Variants in C8orf89 observed in about 807,000 individuals in gnomAD.
C8orf89 encodes putative uncharacterized protein C8orf89.
Under a neutral mutation model 15.8 loss-of-function variants are expected in C8orf89, and 14 were observed. That is an observed-to-expected ratio of 0.89 (90% CI 0.59 to 1.39). C8orf89 has a LOEUF of 1.39. C8orf89 is among the 40% of genes most tolerant of loss of function. The probability of loss-of-function intolerance (pLI) is 0.00; values close to 1 mark genes in which losing one functional copy is unlikely to be tolerated. For missense variants in C8orf89, 181 were observed against 184.5 expected, an observed-to-expected ratio of 0.98 and a Z score of 0.11; for synonymous variants, 55 against 62.2, an observed-to-expected ratio of 0.88 and a Z score of 0.54.
At chr8:73,260,441 C>G (rs904782885), upstream of C8orf89, among the ~76,000 whole-genome samples, 4 of 151,842 alleles carry the variant, frequency 2.6e-5, no homozygotes, top group Admixed American at 6.6e-5. Flanking sequence ...ATGTAAATGA[C>G]AAGTTAATGG....
upstream of C8orf89, among the ~76,000 whole-genome samples, chr8:73,260,485 T>C (rs1381880221): frequency 1.3e-5 from 2 of 152,044 alleles, no homozygotes; most frequent in African/African-American, 4.8e-5. Flanking sequence ...TGTATACATA[T>C]GTAACAAACC....
At chr8:73,269,043 C>T in the C8orf89 span, among the ~76,000 whole-genome samples, 1 of 152,052 alleles carries the variant, frequency 6.6e-6, no homozygotes, top group African/African-American at 2.4e-5. Flanking sequence ...CACCAAGCTG[C>T]AAAACAAGGT....
the C8orf89 span, among the ~76,000 whole-genome samples, chr8:73,269,685 A>G: frequency 1.3e-5 from 2 of 152,212 alleles, no homozygotes; most frequent in African/African-American, 4.8e-5. Context: ...CTGTGCACTA[A>G]GATACTACTG....
At chr8:73,274,762 T>C in the C8orf89 span, among the ~76,000 whole-genome samples, 4 of 152,332 alleles carry the variant, frequency 2.6e-5, no homozygotes, top group African/African-American at 9.6e-5. Flanking sequence ...ACTGAGTTGT[T>C]TGATATCTTA....
chr8:73,255,965 G>T (rs1197058296), intron 2 of C8orf89, among the ~76,000 whole-genome samples: 1 of 148,252 alleles, frequency 6.7e-6, no homozygotes, highest in South Asian at 2.2e-4. Context: ...GTTGTGGGGT[G>T]GGGGGAGGCG....
chr8:73,251,568 G>A (rs1813249426), intron 2 of C8orf89, among the ~76,000 whole-genome samples: 1 of 152,116 alleles, frequency 6.6e-6, no homozygotes, highest in South Asian at 2.1e-4. Flanking sequence ...ATAAAATATA[G>A]TCAATTATCC....
At position 73,241,382 on chromosome 8, in the gene C8orf89, G is replaced by T; in HGVS notation, c.*75C>A. On this transcript the variant is annotated 3_prime_UTR_variant, in exon 4 of 4. Transcript: ENST00000624510. ...TTTCCATTTTTATATAAATCATTTT[G>T]CATCATATCATATAAAAAAAGAAAA... 8.0e-6 allele frequency: 9 copies of T among 1,129,068 alleles called. No homozygotes were observed. The highest frequency in any genetic ancestry group is 1.6e-5 in the African/African-American group (1 of 63,996). The allele number at this position is 1,129,068 out of a possible 1,614,324, so 69.9% of individuals were successfully genotyped here. A position where few individuals can be genotyped will look rare whatever the true frequency, so the allele number is the denominator to read the frequency against.
chr8:73,263,847 T>G (rs1486088343), upstream of C8orf89, among the ~76,000 whole-genome samples: 1 of 152,232 alleles, frequency 6.6e-6, no homozygotes, highest in Non-Finnish European at 1.5e-5. Flanking sequence ...ATAAAGTCAC[T>G]GTGAACACTG....
the C8orf89 span, among the ~76,000 whole-genome samples, chr8:73,274,258 C>G: frequency 6.6e-6 from 1 of 152,016 alleles, no homozygotes; most frequent in Non-Finnish European, 1.5e-5. Context: ...GGTTCACGCC[C>G]TTCTCCTGAC....
upstream of C8orf89, among the ~76,000 whole-genome samples, chr8:73,263,503 G>C (rs1237977917): frequency 2.0e-5 from 3 of 152,098 alleles, no homozygotes; most frequent in Non-Finnish European, 4.4e-5. Context: ...GACAGAGAGA[G>C]ACTTCATCTC....
intron 3 of C8orf89, among the ~76,000 whole-genome samples, chr8:73,246,846 A>C (rs1057381720): frequency 6.6e-6 from 1 of 152,232 alleles, no homozygotes; most frequent in African/African-American, 2.4e-5. Context: ...GCTGCTAACA[A>C]GTCAATTCTG....
Position 73,255,018 on chromosome 8 carries a change from G to A in C8orf89, c.281+1955C>T, listed in dbSNP as rs1177929473. Reference sequence around the variant, plus strand: ...TAGACCTAAAACCATAAAAACCCTAGAAGAAAACCTAGGCAATACCATTCA... The same window carrying A: ...TAGACCTAAAACCATAAAAACCCTAAAAGAAAACCTAGGCAATACCATTCA... On this transcript the variant is annotated intron_variant, in intron 2 of 3. Transcript: ENST00000624510. Among the ~76,000 whole-genome samples the A allele has an allele frequency of 6.6e-5, 10 of 151,754 alleles. No homozygotes were observed. In the East Asian group the frequency reaches 1.7e-3, roughly 26 times the overall value.
upstream of C8orf89, chr8:73,259,591 A>G (rs1222506164): frequency 1.9e-6 from 1 of 516,716 alleles, no homozygotes; most frequent in Non-Finnish European, 3.1e-6. Context: ...CAAACTTTGA[A>G]CATTTTAATG....
chr8:73,248,201 T>C (rs1813167275), intron 3 of C8orf89, among the ~76,000 whole-genome samples: 2 of 152,332 alleles, frequency 1.3e-5, no homozygotes, highest in African/African-American at 4.8e-5. Flanking sequence ...TAGGGAGAAC[T>C]TTCCCCATTG....
intron 2 of C8orf89, 49 bp downstream of exon 2, chr8:73,256,924 T>C: frequency 2.1e-6 from 3 of 1,395,986 alleles, no homozygotes; most frequent in Non-Finnish European, 2.8e-6. Flanking sequence ...TCAGCAGTAT[T>C]ACTACAAATA....
At chr8:73,271,431 G>A in the C8orf89 span, among the ~76,000 whole-genome samples, 3 of 152,074 alleles carry the variant, frequency 2.0e-5, no homozygotes, top group East Asian at 5.8e-4. Context: ...CTCAGGAGAG[G>A]GAGTTGTGAT....
chr8:73,245,458 C>G (rs78303660), intron 3 of C8orf89, among the ~76,000 whole-genome samples: 8,674 of 151,846 alleles, frequency 0.057, 352 homozygotes, highest in African/African-American at 0.12. Context: ...ATTAGATACA[C>G]AGTAGGAAAA....
chr8:73,277,912 T>C, the C8orf89 span: 1 of 675,964 alleles, frequency 1.5e-6, no homozygotes, highest in Non-Finnish European at 2.8e-6. Flanking sequence ...GGTACTCCAG[T>C]GCCGCTTTCT....
At chr8:73,246,481 C>A (rs531429822) in intron 3 of C8orf89, among the ~76,000 whole-genome samples, 2 of 152,330 alleles carry the variant, frequency 1.3e-5, no homozygotes, top group African/African-American at 4.8e-5. Flanking sequence ...CAGGTTCAAG[C>A]AATTCTCCTG....
Sources: gnomAD v4.1 joint callset for allele counts (sites outside exome capture counted in the v4.1 genomes callset) on GRCh38, gnomAD v4.1.1 for gene constraint, MANE v1.5 for transcripts, NCBI Gene and HGNC (gene_info 2026-07-23, HGNC 2026-07-21) for gene names.